The following LUZP2 variants were observed in gnomAD, a reference collection of about 807,000 sequenced individuals.
LUZP2 encodes leucine zipper protein 2.
Under a neutral mutation model 51.6 loss-of-function variants are expected in LUZP2, and 52 were observed. That is an observed-to-expected ratio of 1.01 (90% confidence interval 0.81 to 1.27). The LOEUF (loss-of-function observed/expected upper bound fraction) is 1.27. Among genes scored for constraint, LUZP2 ranks in the 50% most tolerant of loss-of-function variants. LUZP2 has a pLI of 0.00. For synonymous variants in LUZP2, 154 were observed against 137.3 expected, an observed-to-expected ratio of 1.12 and a Z score of -0.85; for missense variants, 436 against 395.4, an observed-to-expected ratio of 1.10 and a Z score of -0.87.
intron 9 of LUZP2, among the ~76,000 whole-genome samples, chr11:25,014,887 T>C (rs1044272881): frequency 6.6e-6 from 1 of 152,134 alleles, no homozygotes; most frequent in African/African-American, 2.4e-5. Context: ...GTTTTAAGTC[T>C]AACATTTAAG....
At chr11:24,881,947 T>C (rs1852482453) in intron 5 of LUZP2, among the ~76,000 whole-genome samples, 2 of 151,956 alleles carry the variant, frequency 1.3e-5, no homozygotes, top group Admixed American at 6.6e-5. Context: ...AACAACAAAG[T>C]GAATATTCAT....
chr11:24,979,099 A>G (rs1447060972), intron 8 of LUZP2, among the ~76,000 whole-genome samples: 1 of 151,844 alleles, frequency 6.6e-6, no homozygotes, highest in Non-Finnish European at 1.5e-5. Flanking sequence ...TTTATTTATA[A>G]TGGTGATGAG....
intron 5 of LUZP2, among the ~76,000 whole-genome samples, chr11:24,837,375 T>C (rs532909704): frequency 4.6e-5 from 7 of 151,596 alleles, no homozygotes; most frequent in Non-Finnish European, 1.0e-4. Flanking sequence ...GAACCCAATA[T>C]GAACCTTCAA....
At chr11:24,699,369 T>C (rs939229380) in intron 1 of LUZP2, among the ~76,000 whole-genome samples, 3 of 152,212 alleles carry the variant, frequency 2.0e-5, no homozygotes, top group African/African-American at 7.2e-5. Flanking sequence ...ATAGTTTTTT[T>C]CATAATTCAC....
chr11:24,608,372 C>G (rs1430116222), intron 1 of LUZP2, among the ~76,000 whole-genome samples: 1 of 152,082 alleles, frequency 6.6e-6, no homozygotes. Context: ...TTTAATAAAA[C>G]TTTTGATTTC....
intron 5 of LUZP2, among the ~76,000 whole-genome samples, chr11:24,803,028 C>A (rs1361558577): frequency 6.6e-6 from 1 of 151,956 alleles, no homozygotes; most frequent in Admixed American, 6.6e-5. Flanking sequence ...TTTGTTATAG[C>A]ATCAAAAACA....
chr11:24,986,195 A>G (rs2133919312), intron 9 of LUZP2, among the ~76,000 whole-genome samples: 1 of 151,796 alleles, frequency 6.6e-6, no homozygotes, highest in African/African-American at 2.4e-5. Flanking sequence ...GCAAAAGTTG[A>G]CTGTTAAATT....
In LUZP2 at chr11:25,079,197, A is replaced by C; in HGVS notation, c.*539A>C. The C allele has an allele frequency of 1.3e-5, 2 of 152,412 alleles. No homozygotes were observed. The highest frequency in any genetic ancestry group is 3.4e-3 in the Middle Eastern group (1 of 294). The allele number at this position is 152,412 out of a possible 1,614,324, so 9.4% of individuals were successfully genotyped here. ...TGAACTAATAACAATTATTTTGTCTAAATAATGCTAAGACAATTCTGTTAA... is the reference window on the plus strand; with the variant it reads ...TGAACTAATAACAATTATTTTGTCTCAATAATGCTAAGACAATTCTGTTAA... On this transcript the variant is annotated 3_prime_UTR_variant, in exon 12 of 12. Coordinates refer to ENST00000336930, the MANE Select transcript of LUZP2 (RefSeq NM_001009909.4).
chr11:24,700,849 G>GAT lies in LUZP2; in HGVS notation c.63-28311_63-28310dup, dbSNP rs542991802. On this transcript the variant is annotated intron_variant, in intron 1 of 11. Transcript: ENST00000336930. ...AATATGTTTATAATAAAAATTAAAA[G>GAT]ATATATATATGATGAATGTAAGGAT... is the stretch of plus-strand genomic sequence containing the variant. 1.3e-3 allele frequency among the ~76,000 whole-genome samples: 201 copies of GAT among 152,038 alleles called. No homozygotes were observed. The Middle Eastern group carries it at 0.014, about 10-fold the overall frequency.
intron 1 of LUZP2, among the ~76,000 whole-genome samples, chr11:24,542,736 C>A (rs868207968): frequency 7.9e-5 from 12 of 151,178 alleles, no homozygotes; most frequent in East Asian, 3.9e-4. Flanking sequence ...CACTTTTATT[C>A]AAAAAAAATA....
At chr11:25,015,048 A>T (rs1857108598) in intron 9 of LUZP2, among the ~76,000 whole-genome samples, 1 of 152,182 alleles carries the variant, frequency 6.6e-6, no homozygotes, top group Non-Finnish European at 1.5e-5. Flanking sequence ...TTTGTCAAAG[A>T]TCAGATAGTT....
At position 24,809,812 on chromosome 11, in the gene LUZP2, G is replaced by A. The variant is rs187701474; in HGVS notation, c.396+46504G>A. On this transcript the variant is annotated intron_variant, in intron 5 of 11. Coordinates refer to ENST00000336930, the MANE Select transcript of LUZP2 (RefSeq NM_001009909.4). ...ATTATGAAGTGGTTAGATTTGCTTA[G>A]GAGACCACTATATAAATGAATTATG... Among the ~76,000 whole-genome samples, 8 of 152,024 alleles carry A rather than the reference G, an allele frequency of 5.3e-5. No homozygotes were observed. In the East Asian group the frequency reaches 1.5e-3, roughly 29 times the overall value.
chr11:24,661,198 A>G (rs560696115), intron 1 of LUZP2, among the ~76,000 whole-genome samples: 10 of 152,262 alleles, frequency 6.6e-5, no homozygotes, highest in African/African-American at 2.4e-4. Flanking sequence ...TAAAAATACA[A>G]CATGTATTTT....
At position 25,081,798 on chromosome 11, in the gene LUZP2, A is replaced by G. The variant is rs943367489; in HGVS notation, c.*3140A>G. The G allele has an allele frequency of 1.4e-4, 22 of 152,194 alleles. No homozygotes were observed. Among genetic ancestry groups the G allele is most frequent in the African/African-American group, 5.3e-4 (22 of 41,446 alleles). The allele number at this position is 152,194 out of a possible 1,614,324, so 9.4% of individuals were successfully genotyped here. On this transcript the variant is annotated 3_prime_UTR_variant, in exon 12 of 12. Coordinates refer to ENST00000336930, the MANE Select transcript of LUZP2 (RefSeq NM_001009909.4). ...CTGTAATGATAAGCATTGAAAGATT[A>G]TTTACATTTTGAAAAACATGGAATT...
At chr11:24,672,651 G>C (rs1398302897) in intron 1 of LUZP2, among the ~76,000 whole-genome samples, 1 of 152,120 alleles carries the variant, frequency 6.6e-6, no homozygotes, top group Non-Finnish European at 1.5e-5. Flanking sequence ...GATATATTCT[G>C]AGAAATGCAT....
intron 1 of LUZP2, among the ~76,000 whole-genome samples, chr11:24,712,913 AG>A (rs1463231092): frequency 1.3e-5 from 2 of 152,212 alleles, no homozygotes; most frequent in East Asian, 3.8e-4. Flanking sequence ...GTAGGGGAAG[AG>A]TTATATATTT....
In LUZP2 at chr11:25,035,997, G is replaced by A. The variant is rs550798432; in HGVS notation, c.766-14041G>A. Among the ~76,000 whole-genome samples the A allele has an allele frequency of 2.0e-4, 31 of 152,134 alleles. No homozygotes were observed. In the South Asian group the frequency reaches 3.7e-3, roughly 18 times the overall value. On this transcript the variant is annotated intron_variant, in intron 9 of 11. Transcript: ENST00000336930. ...TGGCTTCATAGGATGAATTAGGATG[G>A]AGGCCCTCCTCCCCAGCTTTTTGGA...
intron 9 of LUZP2, among the ~76,000 whole-genome samples, chr11:24,995,800 G>A (rs910128884): frequency 6.6e-6 from 1 of 151,818 alleles, no homozygotes; most frequent in Non-Finnish European, 1.5e-5. Flanking sequence ...CAATTGAAAG[G>A]TCAATGGTTT....
intron 7 of LUZP2, among the ~76,000 whole-genome samples, chr11:24,960,763 T>C (rs149791902): frequency 0.018 from 2,801 of 152,152 alleles, 48 homozygotes; most frequent in Admixed American, 0.027. Flanking sequence ...CTGCTCTGAT[T>C]TTAGTTATTT....
Sources: gnomAD v4.1 joint callset for allele counts (sites outside exome capture counted in the v4.1 genomes callset) on GRCh38, gnomAD v4.1.1 for gene constraint, MANE v1.5 for transcripts, NCBI Gene and HGNC (gene_info 2026-07-23, HGNC 2026-07-21) for gene names.